The following SLC22A5 variants were observed in gnomAD, a reference collection of about 807,000 sequenced individuals.
SLC22A5 encodes the protein solute carrier family 22 member 5, also known as organic cation/carnitine transporter 2.
In SLC22A5, 44 loss-of-function variants were observed where a neutral mutation model predicts 56.7. The observed-to-expected ratio is 0.78, with a 90% CI of 0.61 to 1.00. The LOEUF (loss-of-function observed/expected upper bound fraction) is 1.00, where lower values mean the gene tolerates loss of function less well. Ranked by LOEUF, SLC22A5 falls within the 50% of genes least tolerant of loss-of-function variation. The probability of loss-of-function intolerance (pLI) is 0.00; values close to 1 mark genes in which losing one functional copy is unlikely to be tolerated. For missense variants in SLC22A5, 675 were observed against 723.0 expected (o/e 0.93, Z 0.76); for synonymous variants, 278 against 292.1 (o/e 0.95, Z 0.49).
chr5:132,374,820 C>T (rs1398493792), intron 1 of SLC22A5, among the ~76,000 whole-genome samples: 1 of 151,566 alleles, frequency 6.6e-6, no homozygotes, highest in African/African-American at 2.4e-5. Context: ...CTTTGGGAGG[C>T]CAAGGTGGGC....
In SLC22A5 at chr5:132,395,064, G is replaced by T. The variant is rs1457850668; in HGVS notation, c.*792G>T. 3 of 152,360 alleles carry T rather than the reference G, an allele frequency of 2.0e-5. No homozygotes were observed. Among genetic ancestry groups the T allele is most frequent in the Non-Finnish European group, 4.4e-5 (3 of 68,040 alleles). 9.4% of individuals were successfully genotyped at this position (152,360 alleles called of 1,614,324 possible). ...TAAAGGAAATTTATCAGGTGAGAGA[G>T]ATGAGCAACGTTGTCTTTTCTCTCA... is the stretch of plus-strand genomic sequence containing the variant. On this transcript the variant is annotated 3_prime_UTR_variant, in exon 10 of 10. Coordinates refer to ENST00000245407, the MANE Select transcript of SLC22A5 (RefSeq NM_003060.4).
chr5:132,371,504 G>T (rs1401158941), intron 1 of SLC22A5, among the ~76,000 whole-genome samples: 1 of 152,122 alleles, frequency 6.6e-6, no homozygotes, highest in Non-Finnish European at 1.5e-5. Context: ...CTGGATGTAG[G>T]AACATGATGT....
At chr5:132,372,925 C>T (rs1751989312) in intron 1 of SLC22A5, among the ~76,000 whole-genome samples, 1 of 152,180 alleles carries the variant, frequency 6.6e-6, no homozygotes, top group African/African-American at 2.4e-5. Flanking sequence ...TTTGTAAGTA[C>T]ACTGGTATTG....
At position 132,392,596 on chromosome 5, in the gene SLC22A5, T is replaced by C; in HGVS notation, c.1431T>C (p.Ser477=). The C allele has an allele frequency of 6.2e-7, 1 of 1,614,072 alleles. No homozygotes were observed. The highest frequency in any genetic ancestry group is 2.2e-5 in the East Asian group (1 of 44,880). ...CATCCCGCCTGGGCAGCATCCTGTC[T>C]CCCTACTTCGTTTACCTTGGTAAGT... The part of the protein sequence containing the change: ...STASRLGSIL[S]PYFVYLGAYD... Residue 477 remains serine (S), a synonymous_variant, in exon 8 of 10, where the codon TCT becomes TCC. Coordinates refer to ENST00000245407, the MANE Select transcript of SLC22A5 (RefSeq NM_003060.4).
Position 132,384,151 on chromosome 5 carries a change from G to A in SLC22A5, c.502G>A (p.Gly168Ser). The change falls in exon 3 of 10, where the codon GGC (glycine) becomes AGC (serine). Residue 168 changes from glycine to serine, a missense_variant. Gly to Ser is a moderately conservative substitution (Grantham distance 56). Transcript: ENST00000245407. ...FISGQLSDRF[G>S]RKNVLFVTMG... Reference sequence around the variant, plus strand: ...TCACTCTCCTTTTCTTCCCAGGTTTGGCCGGAAGAATGTGCTGTTCGTGAC... The same window carrying A: ...TCACTCTCCTTTTCTTCCCAGGTTTAGCCGGAAGAATGTGCTGTTCGTGAC... 1 of 1,614,172 alleles carries A rather than the reference G, an allele frequency of 6.2e-7. No individual in the cohort carries two copies. Among genetic ancestry groups the A allele is most frequent in the Non-Finnish European group, 8.5e-7 (1 of 1,180,028 alleles).
Position 132,384,300 on chromosome 5 carries a change from G to A in SLC22A5, c.651G>A (p.Leu217=). The change falls in exon 3 of 10, where the codon CTG becomes CTA. Residue 217 remains leucine, a splice_region_variant and synonymous_variant. Coordinates refer to ENST00000245407, the MANE Select transcript of SLC22A5 (RefSeq NM_003060.4). Reference sequence around the variant, plus strand: ...CCAACTATGTGGCAGCATTTGTCCTGGGTATGGCCATCAGGTTGGAGTTGA... The same window carrying A: ...CCAACTATGTGGCAGCATTTGTCCTAGGTATGGCCATCAGGTTGGAGTTGA... The part of the protein sequence containing the change: ...QISNYVAAFV[L]GTEILGKSVR... The A allele has an allele frequency of 6.2e-7, 1 of 1,614,124 alleles. No individual in the cohort carries two copies. Among genetic ancestry groups the A allele is most frequent in the Non-Finnish European group, 8.5e-7 (1 of 1,179,954 alleles).
Position 132,386,742 on chromosome 5 carries a change from T to TGGC in SLC22A5, c.825-282_825-280dup, listed in dbSNP as rs1752545872. On this transcript the variant is annotated intron_variant, in intron 4 of 9. Transcript: ENST00000245407. Reference sequence around the variant, plus strand: ...GCACCCATCTCCTCAGCCCAGCAGATGGCAACACTGCTCTTCAGAAATGGA... The same window carrying TGGC: ...GCACCCATCTCCTCAGCCCAGCAGATGGCGGCAACACTGCTCTTCAGAAATGGA... 2.6e-5 allele frequency among the ~76,000 whole-genome samples: 4 copies of TGGC among 152,172 alleles called. No individual in the cohort carries two copies. The South Asian group carries it at 8.3e-4, about 32-fold the overall frequency.
At chr5:132,392,160 T>C (rs1464910445) in intron 7 of SLC22A5, among the ~76,000 whole-genome samples, 1 of 152,222 alleles carries the variant, frequency 6.6e-6, no homozygotes, top group Non-Finnish European at 1.5e-5. Flanking sequence ...TAATGACTTA[T>C]AGACTGGGAA....
chr5:132,385,579 A>C, intron 4 of SLC22A5, 80 bp downstream of exon 4: 1 of 1,121,556 alleles, frequency 8.9e-7, no homozygotes. Context: ...GCAACAACCC[A>C]TGAATCCCTA....
At chr5:132,381,729 TAGG>T (rs1389897625) in intron 2 of SLC22A5, 8 of 152,224 alleles carry the variant, frequency 5.3e-5, no homozygotes, top group Non-Finnish European at 8.8e-5. Context: ...TGCACAACTC[TAGG>T]AAGAAGTAGA....
intron 6 of SLC22A5, 177 bp downstream of exon 6, chr5:132,389,198 G>C (rs1752625086): frequency 4.9e-6 from 3 of 616,554 alleles, no homozygotes; most frequent in South Asian, 3.5e-5. Context: ...TAATGGGATG[G>C]AACCTCAGAA....
At chr5:132,370,639 C>T (rs1170542805) in intron 1 of SLC22A5, among the ~76,000 whole-genome samples, 1 of 152,162 alleles carries the variant, frequency 6.6e-6, no homozygotes, top group Non-Finnish European at 1.5e-5. Context: ...AAGGTCCTGG[C>T]GGTCCCTGGG....
chr5:132,387,281 TC>T (rs1347718621), intron 5 of SLC22A5, 130 bp downstream of exon 5: 17 of 980,980 alleles, frequency 1.7e-5, no homozygotes, highest in Non-Finnish European at 2.7e-5. Flanking sequence ...AACTGCCCAT[TC>T]CCCCCATCCC....
intron 1 of SLC22A5, among the ~76,000 whole-genome samples, chr5:132,370,682 A>G (rs574797965): frequency 6.6e-6 from 1 of 151,964 alleles, no homozygotes; most frequent in South Asian, 2.1e-4. Context: ...TCCAGGACTT[A>G]CTCTAGTTGG....
At chr5:132,371,155 C>T (rs1252602079) in intron 1 of SLC22A5, among the ~76,000 whole-genome samples, 2 of 152,086 alleles carry the variant, frequency 1.3e-5, no homozygotes, top group African/African-American at 2.4e-5. Flanking sequence ...TTAGTAGAGA[C>T]GGGGTTTCAC....
intron 1 of SLC22A5, among the ~76,000 whole-genome samples, chr5:132,375,855 T>C (rs1752124209): frequency 6.6e-6 from 1 of 152,196 alleles, no homozygotes; most frequent in Non-Finnish European, 1.5e-5. Context: ...ATTAGACTCG[T>C]GACCCAAATC....
At chr5:132,393,594 A>G (rs1752778007) in intron 8 of SLC22A5, 82 bp from the exon 9 acceptor site, 2 of 1,484,866 alleles carry the variant, frequency 1.3e-6, no homozygotes, top group African/African-American at 1.4e-5. Context: ...CCCCTTCCAG[A>G]GTCCTGGGAG....
intron 2 of SLC22A5, chr5:132,381,763 G>A (rs1300395432): frequency 6.6e-6 from 1 of 152,166 alleles, no homozygotes; most frequent in Non-Finnish European, 1.5e-5. Flanking sequence ...CTGTTTCCAG[G>A]TATGTGTGTG....
chr5:132,380,219 A>G (rs909181619), intron 2 of SLC22A5: 1 of 152,428 alleles, frequency 6.6e-6, no homozygotes, highest in Non-Finnish European at 1.5e-5. Context: ...AGCAAGTGCT[A>G]AAGCCGGGGC....
Sources: allele counts gnomAD v4.1 joint callset (sites outside exome capture counted in the v4.1 genomes callset), GRCh38; gene constraint gnomAD v4.1.1; transcripts MANE v1.5; gene names NCBI Gene and HGNC (gene_info 2026-07-23, HGNC 2026-07-21).